Variants in HFM1 observed in about 807,000 individuals in gnomAD.
HFM1 encodes the protein helicase for meiosis 1.
In HFM1, 169 loss-of-function variants were observed where a neutral mutation model predicts 192.1. The observed-to-expected ratio is 0.88, with a 90% CI of 0.78 to 1.00. The LOEUF (loss-of-function observed/expected upper bound fraction) is 1.00. HFM1 is among the 50% of genes least tolerant of loss of function. The probability of loss-of-function intolerance (pLI) is 0.00; values close to 1 mark genes in which losing one functional copy is unlikely to be tolerated. For missense variants in HFM1, 1,661 were observed against 1,668.0 expected, an observed-to-expected ratio of 1.00 and a Z score of 0.07; for synonymous variants, 525 against 537.8, an observed-to-expected ratio of 0.98 and a Z score of 0.33.
chr1:91,289,533 C>T (rs1028077140), intron 30 of HFM1, among the ~76,000 whole-genome samples: 2 of 152,080 alleles, frequency 1.3e-5, no homozygotes, highest in Admixed American at 6.6e-5. Context: ...GAGGTTGTAG[C>T]GAGCCAAGAA....
At chr1:91,374,698 G>T (rs1222855708) in intron 13 of HFM1, among the ~76,000 whole-genome samples, 1 of 152,158 alleles carries the variant, frequency 6.6e-6, no homozygotes, top group Admixed American at 6.6e-5. Context: ...TTGGTACATA[G>T]TGAGTTTGAG....
At chr1:91,268,066 C>G (rs1440783054) in intron 34 of HFM1, among the ~76,000 whole-genome samples, 1 of 152,038 alleles carries the variant, frequency 6.6e-6, no homozygotes, top group Admixed American at 6.6e-5. Flanking sequence ...TCAAACACAT[C>G]TTTCAACTAC....
chr1:91,289,079 G>A (rs1358100528), intron 30 of HFM1, among the ~76,000 whole-genome samples: 9 of 151,550 alleles, frequency 5.9e-5, no homozygotes, highest in African/African-American at 1.9e-4. Context: ...GCGGCTGCCG[G>A]GCGGAGACAC....
chr1:91,266,182 G>A (rs1283167751), intron 35 of HFM1, 75 bp from the exon 36 acceptor site: 18 of 1,111,964 alleles, frequency 1.6e-5, no homozygotes, highest in African/African-American at 9.6e-5. Flanking sequence ...GTTCTACAAC[G>A]TTCTCTCCAA....
At chr1:91,397,102 C>T (rs1490487038) in intron 2 of HFM1, among the ~76,000 whole-genome samples, 1 of 152,202 alleles carries the variant, frequency 6.6e-6, no homozygotes, top group Non-Finnish European at 1.5e-5. Context: ...AAACTGTCCA[C>T]AAATTCAGTG....
At chr1:91,329,541 C>G in intron 20 of HFM1, 1 of 1,424,164 alleles carries the variant, frequency 7.0e-7, no homozygotes, top group African/African-American at 1.4e-5. Context: ...CATTATACCT[C>G]CTTGACACCA....
chr1:91,361,499 C>A (rs1198083185), intron 13 of HFM1, among the ~76,000 whole-genome samples: 1 of 152,072 alleles, frequency 6.6e-6, no homozygotes, highest in Non-Finnish European at 1.5e-5. Context: ...CAAGACTGAA[C>A]CAGGAAGAAA....
chr1:91,285,346 T>A (rs1667858639), intron 30 of HFM1, among the ~76,000 whole-genome samples: 1 of 152,188 alleles, frequency 6.6e-6, no homozygotes, highest in African/African-American at 2.4e-5. Context: ...ATTGAAACAT[T>A]TGTTCAACTT....
chr1:91,361,550 G>A (rs1285415874), intron 13 of HFM1, among the ~76,000 whole-genome samples: 1 of 152,124 alleles, frequency 6.6e-6, no homozygotes, highest in Non-Finnish European at 1.5e-5. Context: ...CTGGAATTGA[G>A]ACAGTAATAA....
chr1:91,394,406 C>A lies in HFM1; in HGVS notation c.185-4G>T, dbSNP rs1160273137. ...ATTTTTGGCCTCTTTTCCTGACCTA[C>A]AAAAAAGGAATATCTTAATTATTAC... On this transcript the variant is annotated splice_polypyrimidine_tract_variant and splice_region_variant and intron_variant, in intron 3 of 38. Transcript: ENST00000370425. 2.1e-6 allele frequency: 3 copies of A among 1,411,174 alleles called. No individual in the cohort carries two copies. The highest frequency in any genetic ancestry group is 2.9e-5 in the African/African-American group (2 of 69,374). The allele number at this position is 1,411,174 out of a possible 1,614,324, so 87.4% of individuals were successfully genotyped here.
chr1:91,316,804 G>A (rs957284508), intron 25 of HFM1, among the ~76,000 whole-genome samples: 3 of 152,114 alleles, frequency 2.0e-5, no homozygotes, highest in African/African-American at 7.2e-5. Flanking sequence ...ATGCTTGAAA[G>A]AAAGGCAACA....
intron 2 of HFM1, among the ~76,000 whole-genome samples, chr1:91,400,521 G>T (rs1206240301): frequency 6.8e-6 from 1 of 146,254 alleles, no homozygotes. Flanking sequence ...TCACTCTGTT[G>T]CTCTGGCTGG....
intron 13 of HFM1, among the ~76,000 whole-genome samples, chr1:91,364,913 G>A (rs371205740): frequency 6.6e-5 from 10 of 151,792 alleles, no homozygotes; most frequent in East Asian, 5.8e-4. Context: ...GACTACAGGC[G>A]TGAGCCACCG....
At chr1:91,381,376 T>C (rs1337885765) in intron 6 of HFM1, among the ~76,000 whole-genome samples, 1 of 152,198 alleles carries the variant, frequency 6.6e-6, no homozygotes, top group African/African-American at 2.4e-5. Flanking sequence ...GTACAGAATT[T>C]CACTCAACTA....
At chr1:91,381,827 G>C (rs1447543032) in intron 6 of HFM1, among the ~76,000 whole-genome samples, 1 of 152,178 alleles carries the variant, frequency 6.6e-6, no homozygotes, top group African/African-American at 2.4e-5. Flanking sequence ...CAAGTACACA[G>C]TTACTTAAAC....
At chr1:91,361,374 A>C (rs968157425) in intron 13 of HFM1, among the ~76,000 whole-genome samples, 5 of 152,296 alleles carry the variant, frequency 3.3e-5, no homozygotes, top group African/African-American at 1.2e-4. Context: ...GGGGGATATC[A>C]CCACTGACCC....
intron 21 of HFM1, among the ~76,000 whole-genome samples, chr1:91,324,182 T>C (rs962768304): frequency 2.0e-5 from 3 of 152,176 alleles, no homozygotes; most frequent in African/African-American, 7.2e-5. Flanking sequence ...AATCAGTTCT[T>C]TTATCTAGGT....
Position 91,350,855 on chromosome 1 carries a change from T to A in HFM1, c.2089A>T (p.Ile697Phe). 5 of 1,587,206 alleles carry A rather than the reference T, an allele frequency of 3.2e-6. No individual in the cohort carries two copies. The highest frequency in any genetic ancestry group is 4.3e-6 in the Non-Finnish European group (5 of 1,161,490). Residue 697 changes from isoleucine (I) to phenylalanine (F), a missense_variant, in exon 18 of 39, where the codon ATT becomes TTT. Physicochemically the swap from Ile to Phe is conservative, Grantham distance 21. Coordinates refer to ENST00000370425, the MANE Select transcript of HFM1 (RefSeq NM_001017975.6). ...ACTATCTCTGCATTTAAATGTTCAA[T>A]AAGATGTCTGTGCAAACTAATGAAA... ...TVESSLHRHL[I>F]EHLNAEIVLH...
intron 30 of HFM1, among the ~76,000 whole-genome samples, chr1:91,292,495 G>T (rs1423380136): frequency 6.6e-6 from 1 of 151,094 alleles, no homozygotes; most frequent in Non-Finnish European, 1.5e-5. Flanking sequence ...CAACTTACAA[G>T]GGATGTGAAG....
Sources: allele counts gnomAD v4.1 joint callset (sites outside exome capture counted in the v4.1 genomes callset), GRCh38; gene constraint gnomAD v4.1.1; transcripts MANE v1.5; gene names NCBI Gene and HGNC (gene_info 2026-07-23, HGNC 2026-07-21).